Variants in BIRC6 observed in about 807,000 individuals in gnomAD.
BIRC6 encodes dual E2 ubiquitin-conjugating enzyme/E3 ubiquitin-protein ligase BIRC6.
BIRC6 carries 98 observed loss-of-function variants against 503.3 expected under a neutral mutation model. That is an observed-to-expected ratio of 0.19 (90% CI 0.17 to 0.23). BIRC6 has a LOEUF of 0.23. Among genes scored for constraint, BIRC6 ranks in the 10% least tolerant of loss-of-function variants. BIRC6 has a pLI of 1.00. For synonymous variants in BIRC6, 2,240 were observed against 2,078.7 expected (o/e 1.08, Z -2.11); for missense variants, 5,360 against 5,806.0 (o/e 0.92, Z 2.50).
chr2:32,394,589 A>C (rs1031258551), intron 5 of BIRC6, among the ~76,000 whole-genome samples: 1 of 151,944 alleles, frequency 6.6e-6, no homozygotes, highest in African/African-American at 2.4e-5. Context: ...CCCAGCACTT[A>C]GGGAGGCCAA....
At chr2:32,458,726 ACT>A (rs1216939033) in intron 23 of BIRC6, among the ~76,000 whole-genome samples, 8 of 126,470 alleles carry the variant, frequency 6.3e-5, no homozygotes, top group African/African-American at 2.5e-4. Flanking sequence ...AGAGTGAGAC[ACT>A]CTGTATCCCA....
intron 32 of BIRC6, 85 bp downstream of exon 32, chr2:32,471,209 C>T (rs979202740): frequency 1.3e-6 from 2 of 1,506,738 alleles, no homozygotes; most frequent in East Asian, 2.5e-5. Context: ...CGCAGTTGTT[C>T]CAGAACTGGC....
At chr2:32,532,965 T>C (rs756532662) in intron 61 of BIRC6, among the ~76,000 whole-genome samples, 1 of 152,106 alleles carries the variant, frequency 6.6e-6, no homozygotes, top group Non-Finnish European at 1.5e-5. Flanking sequence ...TGGAATAATT[T>C]TGAGTAGCAT....
intron 57 of BIRC6, 160 bp downstream of exon 57, chr2:32,519,106 A>G: frequency 1.4e-6 from 1 of 709,064 alleles, no homozygotes; most frequent in Non-Finnish European, 2.2e-6. Context: ...AAGCCAGTCA[A>G]GTGGACAAAA....
chr2:32,545,276 G>A (rs2057978040), intron 62 of BIRC6, among the ~76,000 whole-genome samples: 1 of 152,108 alleles, frequency 6.6e-6, no homozygotes, highest in African/African-American at 2.4e-5. Flanking sequence ...CTTGGTTAAA[G>A]CTACTCCCAA....
At chr2:32,439,239 T>C in intron 15 of BIRC6, among the ~76,000 whole-genome samples, 1 of 152,106 alleles carries the variant, frequency 6.6e-6, no homozygotes, top group East Asian at 1.9e-4. Context: ...TTAAAATGAA[T>C]AATATTGGGG....
chr2:32,530,212 T>C (rs1253019385), intron 60 of BIRC6, among the ~76,000 whole-genome samples: 3 of 152,184 alleles, frequency 2.0e-5, no homozygotes, highest in Non-Finnish European at 2.9e-5. Context: ...TACTTATATA[T>C]TCCATTAATT....
intron 66 of BIRC6, among the ~76,000 whole-genome samples, chr2:32,586,933 A>T (rs1257833552): frequency 6.6e-6 from 1 of 152,224 alleles, no homozygotes; most frequent in African/African-American, 2.4e-5. Flanking sequence ...ATGGTTAGTG[A>T]CATAGCTATG....
chr2:32,438,621 GCC>G (rs2045028978), intron 15 of BIRC6, among the ~76,000 whole-genome samples: 3 of 146,238 alleles, frequency 2.1e-5, no homozygotes, highest in Non-Finnish European at 4.5e-5. Flanking sequence ...GTGCAGTGGT[GCC>G]ATCTTGGCTC....
At position 32,467,578 on chromosome 2, in the gene BIRC6, G is replaced by A. The variant is rs775372090; in HGVS notation, c.5410G>A (p.Val1804Ile). 5 of 1,613,958 alleles carry A rather than the reference G, an allele frequency of 3.1e-6. No homozygotes were observed. The highest frequency in any genetic ancestry group is 2.2e-5 in the East Asian group (1 of 44,862). The change falls in exon 27 of 74, where the codon GTA (valine) becomes ATA (isoleucine). Residue 1804 changes from valine to isoleucine, a missense_variant. Physicochemically the swap from Val to Ile is conservative, Grantham distance 29 (BLOSUM62 3). This residue lies in a region of BIRC6 where 2,299 missense variants were observed against 2,267.2 expected (regional missense o/e 1.01). Transcript: ENST00000421745. ...TGGGAGGCCTATATTGTTGACTGAT[G>A]TATTGATTCCCACTTGTGGAGACTT... ...DFGRPILLTD[V>I]LIPTCGDLAS...
Position 32,357,146 on chromosome 2 carries a change from T to TA in BIRC6, c.-16_-15insA. The TA allele has an allele frequency of 1.3e-6, 2 of 1,482,378 alleles. No individual in the cohort carries two copies. The highest frequency in any genetic ancestry group is 1.8e-6 in the Non-Finnish European group (2 of 1,131,364). The allele number at this position is 1,482,378 out of a possible 1,614,324, so 91.8% of individuals were successfully genotyped here. A position where few individuals can be genotyped will look rare whatever the true frequency, so the allele number is the denominator to read the frequency against. On this transcript the variant is annotated 5_prime_UTR_variant, in exon 1 of 74. Coordinates refer to ENST00000421745, the MANE Select transcript of BIRC6 (RefSeq NM_016252.4). This position sits in a 1 kb window ranked among gnomAD's most constrained non-coding sequence, Gnocchi z 4.9. ...TCACTTCCGGCTAACGCGCTCGGCT[T>TA]GCCCCCTGGCCCCGGATGGTGACTG...
intron 66 of BIRC6, among the ~76,000 whole-genome samples, chr2:32,577,371 A>T (rs2060335177): frequency 6.6e-6 from 1 of 152,096 alleles, no homozygotes; most frequent in South Asian, 2.1e-4. Context: ...TAAAACCTTG[A>T]GTGTTTTTTA....
At chr2:32,469,171 TC>T (rs1290933071) in intron 29 of BIRC6, among the ~76,000 whole-genome samples, 2 of 152,218 alleles carry the variant, frequency 1.3e-5, no homozygotes, top group Non-Finnish European at 2.9e-5. Context: ...ATCTGACACA[TC>T]CAGCTCCATA....
intron 1 of BIRC6, among the ~76,000 whole-genome samples, chr2:32,362,297 A>T (rs1223242491): frequency 2.7e-5 from 4 of 147,948 alleles, no homozygotes; most frequent in Non-Finnish European, 4.5e-5. Context: ...GTCTCTTTTT[A>T]TATGTTTATT....
At chr2:32,600,529 C>T (rs1412649093) in intron 70 of BIRC6, among the ~76,000 whole-genome samples, 6 of 152,232 alleles carry the variant, frequency 3.9e-5, no homozygotes, top group African/African-American at 1.2e-4. Flanking sequence ...AAGATTTGAC[C>T]AGAGGCAGAA....
In BIRC6 at chr2:32,381,632, G is replaced by A. The variant is rs531898203; in HGVS notation, c.645+1342G>A. On this transcript the variant is annotated intron_variant, in intron 3 of 73. Transcript: ENST00000421745. ...GTGATCTTATCTCACTGCAACCTCC[G>A]CCTCGTGGATTCAAGCTATTCTCCT... Among the ~76,000 whole-genome samples the A allele has an allele frequency of 1.2e-4, 18 of 147,050 alleles. No individual in the cohort carries two copies. In the East Asian group the frequency reaches 1.5e-3, roughly 12 times the overall value.
chr2:32,450,257 T>C (rs2046543904), intron 22 of BIRC6, among the ~76,000 whole-genome samples: 1 of 152,142 alleles, frequency 6.6e-6, no homozygotes, highest in African/African-American at 2.4e-5. Flanking sequence ...GGTGGGCAGA[T>C]CACGAGGTCA....
chr2:32,577,083 G>A (rs1356203765), intron 66 of BIRC6, among the ~76,000 whole-genome samples: 1 of 152,076 alleles, frequency 6.6e-6, no homozygotes, highest in African/African-American at 2.4e-5. Context: ...TATAACAATA[G>A]TGTGGTATCA....
chr2:32,441,303 A>ATAACT (rs2045407318), intron 16 of BIRC6, 26 bp from the exon 17 acceptor site: 1 of 1,393,722 alleles, frequency 7.2e-7, no homozygotes, highest in African/African-American at 1.5e-5. Flanking sequence ...TATTTTTTAA[A>ATAACT]ATTCATTATT....
Sources: gnomAD v4.1 joint callset for allele counts (sites outside exome capture counted in the v4.1 genomes callset) on GRCh38, gnomAD v4.1.1 for gene constraint, gnomAD v4.1.1 regional missense constraint, Gnocchi (gnomAD v3.1) non-coding constraint, MANE v1.5 for transcripts, NCBI Gene and HGNC (gene_info 2026-07-23, HGNC 2026-07-21) for gene names.